The following F10 variants were observed in gnomAD, a reference collection of about 807,000 sequenced individuals.
F10 encodes the protein coagulation factor X.
Under a neutral mutation model 37.1 loss-of-function variants are expected in F10, and 29 were observed. The observed-to-expected ratio is 0.78, with a 90% CI of 0.58 to 1.07. The LOEUF is 1.07. Among genes scored for constraint, F10 ranks in the 50% least tolerant of loss-of-function variants. F10 has a pLI of 0.00. For missense variants in F10, 539 were observed against 667.9 expected (o/e 0.81, Z 2.13); for synonymous variants, 262 against 268.6 (o/e 0.98, Z 0.24).
chr13:113,129,541 G>A lies in F10; in HGVS notation c.160G>A (p.Glu54Lys), dbSNP rs121964939. 1.9e-6 allele frequency: 3 copies of A among 1,614,156 alleles called. No individual in the cohort carries two copies. Among genetic ancestry groups the A allele is most frequent in the Non-Finnish European group, 2.5e-6 (3 of 1,180,028 alleles). The part of the protein sequence containing the change: ...FLEEMKKGHL[E>K]RECMEETCSY... ...TGAAGAGATGAAGAAAGGACACCTC[G>A]AAAGAGAGTGCATGGAAGAGACCTG... Residue 54 changes from glutamate to lysine, a missense_variant, in exon 2 of 8, where the codon GAA (glutamate) becomes AAA (lysine). Coordinates refer to ENST00000375559, the MANE Select transcript of F10 (RefSeq NM_000504.4).
chr13:113,135,625 G>C (rs1037382436), intron 2 of F10, among the ~76,000 whole-genome samples: 1 of 152,154 alleles, frequency 6.6e-6, no homozygotes, highest in Admixed American at 6.6e-5. Context: ...TTACATTGTC[G>C]ATTAAATTTT....
intron 1 of F10, among the ~76,000 whole-genome samples, chr13:113,127,847 G>A (rs1022200717): frequency 3.9e-5 from 6 of 152,196 alleles, no homozygotes; most frequent in African/African-American, 1.4e-4. Flanking sequence ...AAAGACGAGT[G>A]GGGCCAGGCT....
At chr13:113,148,399 T>C (rs148536103) in intron 7 of F10, among the ~76,000 whole-genome samples, 1,536 of 138,604 alleles carry the variant, frequency 0.011, 25 homozygotes, top group East Asian at 0.047. Flanking sequence ...TACATATATA[T>C]ACACACACAC....
chr13:113,131,037 G>C (rs1053127810), intron 2 of F10: 4 of 152,194 alleles, frequency 2.6e-5, no homozygotes, highest in African/African-American at 9.7e-5. Flanking sequence ...TTGATCCTGA[G>C]TGACTTTCTG....
At chr13:113,123,286 G>A (rs2036337632) in intron 1 of F10, among the ~76,000 whole-genome samples, 1 of 152,188 alleles carries the variant, frequency 6.6e-6, no homozygotes, top group Non-Finnish European at 1.5e-5. Flanking sequence ...GGTTGGGGCA[G>A]GCAGAGACAG....
At position 113,129,627 on chromosome 13, in the gene F10, T is replaced by G. The variant is rs746497476; in HGVS notation, c.231+15T>G. The G allele has an allele frequency of 4.3e-6, 7 of 1,613,844 alleles. No individual in the cohort carries two copies. In the South Asian group the frequency reaches 7.7e-5, roughly 18 times the overall value. On this transcript the variant is annotated intron_variant, in intron 2 of 7. Transcript: ENST00000375559. ...GCGACAAGACGGTAAGGGCTGGGGA[T>G]AGCCTGGCTGTTGGTAAGGAGCTCA...
chr13:113,143,704 GGGCCTCGCCC>G lies in F10; in HGVS notation c.503-146_503-137del. 4.3e-5 allele frequency: 51 copies of G among 1,187,858 alleles called. No individual in the cohort carries two copies. Among genetic ancestry groups the G allele is most frequent in the Admixed American group, 2.9e-4 (12 of 41,730 alleles). The allele number at this position is 1,187,858 out of a possible 1,614,324, so 73.6% of individuals were successfully genotyped here. On this transcript the variant is annotated intron_variant, in intron 5 of 7. Coordinates refer to ENST00000375559, the MANE Select transcript of F10 (RefSeq NM_000504.4). This position sits in a 1 kb window ranked among gnomAD's most constrained non-coding sequence, Gnocchi z 6.8. ...AGATCCGACCCCTGCCGACGACGTG[GGGCCTCGCCC>G]TGCAAGCCCGCTGCCCCTCCGGGTG...
chr13:113,141,373 G>A lies in F10; in HGVS notation c.502+323G>A, dbSNP rs147684716. 4.5e-3 allele frequency among the ~76,000 whole-genome samples: 682 copies of A among 152,228 alleles called. 5 individuals carry two copies. Among genetic ancestry groups the A allele is most frequent in the African/African-American group, 0.016 (650 of 41,522 alleles). On this transcript the variant is annotated intron_variant, in intron 5 of 7. Coordinates refer to ENST00000375559, the MANE Select transcript of F10 (RefSeq NM_000504.4). The surrounding 1 kb of genome is among the most constrained non-coding windows in gnomAD (Gnocchi z 5.4). ...CACTTTGCATGATGCCTGGCCCACC[G>A]CAGGCCCTCAGTCTGCATTGGGACT...
intron 1 of F10, 56 bp from the exon 2 acceptor site, chr13:113,129,396 G>C (rs2036403515): frequency 6.2e-7 from 1 of 1,609,262 alleles, no homozygotes; most frequent in Admixed American, 1.7e-5. Flanking sequence ...CATAGGTGAG[G>C]GGGAGCCTGG....
chr13:113,138,565 T>C, intron 3 of F10, 84 bp downstream of exon 3: 2 of 921,308 alleles, frequency 2.2e-6, no homozygotes, highest in Non-Finnish European at 3.5e-6. Context: ...GAATTTCCTT[T>C]CTGCTTTTGT....
At position 113,144,143 on chromosome 13, in the gene F10, C is replaced by T. The variant is rs779878176; in HGVS notation, c.747+48C>T. The T allele has an allele frequency of 1.5e-5, 24 of 1,611,158 alleles. No individual in the cohort carries two copies. The highest frequency in any genetic ancestry group is 1.7e-4 in the Middle Eastern group (1 of 5,970). On this transcript the variant is annotated intron_variant, in intron 6 of 7. Coordinates refer to ENST00000375559, the MANE Select transcript of F10 (RefSeq NM_000504.4). The surrounding 1 kb of genome is among the most constrained non-coding windows in gnomAD (Gnocchi z 6.4). Reference sequence around the variant, plus strand: ...GGCCTGCTGGAGAGACCACCTGTCCCGCTGTGCACCTCGGGGAGGCCAGCC... The same window carrying T: ...GGCCTGCTGGAGAGACCACCTGTCCTGCTGTGCACCTCGGGGAGGCCAGCC...
intron 2 of F10, among the ~76,000 whole-genome samples, chr13:113,137,660 G>A (rs1037049230): frequency 6.6e-6 from 1 of 152,148 alleles, no homozygotes; most frequent in African/African-American, 2.4e-5. Flanking sequence ...CTCTGGGAGA[G>A]TCTCTGTCCC....
chr13:113,147,629 G>A (rs921403800), intron 7 of F10, 133 bp downstream of exon 7: 2 of 701,566 alleles, frequency 2.9e-6, no homozygotes, highest in African/African-American at 3.5e-5. Flanking sequence ...AGGGGTTAGG[G>A]GCATTTCACA....
chr13:113,127,775 C>T (rs1033827337), intron 1 of F10, among the ~76,000 whole-genome samples: 3 of 152,138 alleles, frequency 2.0e-5, no homozygotes, highest in Non-Finnish European at 4.4e-5. Context: ...ATAAATTGTA[C>T]TATTATAGTT....
At chr13:113,137,454 A>G (rs1275795307) in intron 2 of F10, among the ~76,000 whole-genome samples, 9 of 152,226 alleles carry the variant, frequency 5.9e-5, no homozygotes. Flanking sequence ...GTTGAAATTC[A>G]TAGAAGTGTA....
chr13:113,142,675 C>T (rs1595095365), intron 5 of F10, among the ~76,000 whole-genome samples: 1 of 148,298 alleles, frequency 6.7e-6, no homozygotes, highest in East Asian at 1.9e-4. Flanking sequence ...CCTGTAATCC[C>T]AGCACTTTGG....
intron 2 of F10, among the ~76,000 whole-genome samples, chr13:113,138,117 A>T (rs961394070): frequency 2.6e-5 from 4 of 152,278 alleles, no homozygotes; most frequent in Non-Finnish European, 5.9e-5. Context: ...ATGTTAACTC[A>T]GGCATAGCAA....
At chr13:113,138,789 A>G (rs1467470015) in intron 3 of F10, among the ~76,000 whole-genome samples, 1 of 152,246 alleles carries the variant, frequency 6.6e-6, no homozygotes, top group Non-Finnish European at 1.5e-5. Context: ...ACAGAGTCTG[A>G]AAGATTAGAT....
At chr13:113,142,320 T>A (rs1309947271) in intron 5 of F10, among the ~76,000 whole-genome samples, 1 of 151,654 alleles carries the variant, frequency 6.6e-6, no homozygotes, top group African/African-American at 2.4e-5. Context: ...GGCGGGCGGA[T>A]CATGAGGTCA....
Sources: allele counts gnomAD v4.1 joint callset (sites outside exome capture counted in the v4.1 genomes callset), GRCh38; gene constraint gnomAD v4.1.1; non-coding constraint Gnocchi (gnomAD v3.1); transcripts MANE v1.5; gene names NCBI Gene and HGNC (gene_info 2026-07-23, HGNC 2026-07-21).